The following LEKR1 variants were observed in gnomAD, a reference collection of about 807,000 sequenced individuals.
LEKR1 encodes the protein protein LEKR1.
In LEKR1, 59 loss-of-function variants were observed where a neutral mutation model predicts 72.4. That is an observed-to-expected ratio of 0.82 (90% CI 0.66 to 1.01). LEKR1 has a LOEUF of 1.01. LEKR1 is among the 50% of genes least tolerant of loss of function. LEKR1 has a pLI of 0.00. For missense variants in LEKR1, 728 were observed against 759.2 expected (o/e 0.96, Z 0.48); for synonymous variants, 257 against 263.2 (o/e 0.98, Z 0.23).
chr3:156,985,693 G>T (rs1396442305), intron 7 of LEKR1, among the ~76,000 whole-genome samples: 1 of 151,846 alleles, frequency 6.6e-6, no homozygotes, highest in African/African-American at 2.4e-5. Flanking sequence ...AAATTAGCTG[G>T]GTGTAATGGC....
chr3:157,031,133 G>C (rs539315610), intron 12 of LEKR1, among the ~76,000 whole-genome samples: 1 of 152,206 alleles, frequency 6.6e-6, no homozygotes, highest in Non-Finnish European at 1.5e-5. Context: ...ACAGGGCTTC[G>C]GGAGGTGATT....
chr3:156,928,319 C>G (rs1326668061), intron 5 of LEKR1, among the ~76,000 whole-genome samples: 2 of 151,936 alleles, frequency 1.3e-5, no homozygotes, highest in Admixed American at 1.3e-4. Context: ...AATGTTGATT[C>G]ATCAATTGTA....
intron 9 of LEKR1, among the ~76,000 whole-genome samples, chr3:157,008,885 T>G (rs4263246): frequency 0.61 from 92,619 of 151,930 alleles, 29,209 homozygotes; most frequent in South Asian, 0.8. Flanking sequence ...TCATCTATAT[T>G]GTATGCTAAG....
At chr3:156,963,423 A>G (rs981890651) in intron 6 of LEKR1, among the ~76,000 whole-genome samples, 6 of 152,182 alleles carry the variant, frequency 3.9e-5, no homozygotes, top group Non-Finnish European at 8.8e-5. Context: ...AGACATTTAC[A>G]GCTCATCCAC....
chr3:156,900,497 G>T (rs763945981), intron 3 of LEKR1, among the ~76,000 whole-genome samples: 2 of 151,942 alleles, frequency 1.3e-5, no homozygotes, highest in Non-Finnish European at 2.9e-5. Flanking sequence ...TGTGAATCTC[G>T]TAACTATCCA....
chr3:156,841,549 C>T (rs929542933), intron 2 of LEKR1, among the ~76,000 whole-genome samples: 7 of 152,094 alleles, frequency 4.6e-5, no homozygotes, highest in Admixed American at 6.5e-5. Flanking sequence ...GTGTGCTAGT[C>T]GTAGACTTGG....
At chr3:156,881,813 A>G (rs1217328026) in intron 3 of LEKR1, among the ~76,000 whole-genome samples, 1 of 127,996 alleles carries the variant, frequency 7.8e-6, no homozygotes. Flanking sequence ...ATATAGATCA[A>G]TGGAACAGAA....
intron 3 of LEKR1, among the ~76,000 whole-genome samples, chr3:156,874,189 T>C (rs2108548093): frequency 6.6e-6 from 1 of 152,306 alleles, no homozygotes. Context: ...ATTCTTCAGT[T>C]CCAGAATTTC....
intron 6 of LEKR1, among the ~76,000 whole-genome samples, chr3:156,973,462 G>T (rs1729420443): frequency 6.6e-6 from 1 of 152,116 alleles, no homozygotes; most frequent in African/African-American, 2.4e-5. Flanking sequence ...TAGGGGCTGA[G>T]CTCCTTGTGC....
At chr3:156,908,502 T>C (rs1722755884) in intron 3 of LEKR1, among the ~76,000 whole-genome samples, 1 of 152,212 alleles carries the variant, frequency 6.6e-6, no homozygotes, top group Non-Finnish European at 1.5e-5. Context: ...AATCCAATAC[T>C]ATCATTATTT....
intron 9 of LEKR1, among the ~76,000 whole-genome samples, chr3:156,995,492 A>C (rs1171357616): frequency 6.6e-6 from 1 of 151,956 alleles, no homozygotes; most frequent in African/African-American, 2.4e-5. Flanking sequence ...ACATGTACTT[A>C]GTAATTGGTG....
At chr3:156,858,724 T>G (rs1238013380) in intron 3 of LEKR1, among the ~76,000 whole-genome samples, 1 of 152,136 alleles carries the variant, frequency 6.6e-6, no homozygotes. Context: ...AATGTTTAGT[T>G]TTCTTTCTAC....
At chr3:156,883,311 A>G (rs534997828) in intron 3 of LEKR1, among the ~76,000 whole-genome samples, 1 of 152,178 alleles carries the variant, frequency 6.6e-6, no homozygotes, top group Non-Finnish European at 1.5e-5. Flanking sequence ...TCTAGGAAGT[A>G]ACTAACTTGC....
Position 157,045,842 on chromosome 3 carries a change from A to C in LEKR1, c.*92A>C. ...TGTAACTGAGAATGACAATGATAAA[A>C]TTATTTTCACAGATCAGGAAGGCAT... On this transcript the variant is annotated 3_prime_UTR_variant, in exon 13 of 13. Coordinates refer to ENST00000356539, the MANE Select transcript of LEKR1 (RefSeq NM_001004316.3). The C allele has an allele frequency of 8.4e-7, 1 of 1,191,288 alleles. No homozygotes were observed. The highest frequency in any genetic ancestry group is 1.2e-6 in the Non-Finnish European group (1 of 849,284). 73.8% of individuals were successfully genotyped at this position (1,191,288 alleles called of 1,614,324 possible). A position where few individuals can be genotyped will look rare whatever the true frequency, so the allele number is the denominator to read the frequency against.
chr3:157,041,421 T>C (rs1389199967), intron 12 of LEKR1, among the ~76,000 whole-genome samples: 1 of 152,142 alleles, frequency 6.6e-6, no homozygotes, highest in African/African-American at 2.4e-5. Flanking sequence ...TGAAATAAAC[T>C]TTCAATGACT....
intron 8 of LEKR1, 121 bp from the exon 9 acceptor site, chr3:156,992,953 T>G: frequency 5.3e-6 from 3 of 571,082 alleles, no homozygotes; most frequent in Non-Finnish European, 8.6e-6. Context: ...TTTAAAATTT[T>G]TAATTTTTTA....
chr3:156,886,142 G>C (rs773784397), intron 3 of LEKR1, among the ~76,000 whole-genome samples: 2 of 152,094 alleles, frequency 1.3e-5, no homozygotes, highest in Admixed American at 1.3e-4. Context: ...CAACCACTGT[G>C]GGGGAGGGGG....
chr3:156,948,863 C>G (rs1229451689), intron 6 of LEKR1, among the ~76,000 whole-genome samples: 1 of 151,512 alleles, frequency 6.6e-6, no homozygotes, highest in Non-Finnish European at 1.5e-5. Context: ...GCCATTCTGA[C>G]TGGTGTGAGG....
At chr3:157,011,280 G>T (rs774448667) in intron 9 of LEKR1, 133 bp from the exon 10 acceptor site, 9 of 611,522 alleles carry the variant, frequency 1.5e-5, no homozygotes, top group Admixed American at 1.4e-4. Context: ...ATGATATGTA[G>T]TAGCAGCATA....
Sources: allele counts gnomAD v4.1 joint callset (sites outside exome capture counted in the v4.1 genomes callset), GRCh38; gene constraint gnomAD v4.1.1; transcripts MANE v1.5; gene names NCBI Gene and HGNC (gene_info 2026-07-23, HGNC 2026-07-21).